FAM171A1: variants seen among roughly 807,000 people sequenced by gnomAD.
The protein encoded by FAM171A1 is protein FAM171A1.
Under a neutral mutation model 74.9 loss-of-function variants are expected in FAM171A1, and 23 were observed. That is an observed-to-expected ratio of 0.31 (90% CI 0.22 to 0.44). The LOEUF is 0.44. FAM171A1 is among the 20% of genes least tolerant of loss of function. FAM171A1 has a pLI of 1.00. For synonymous variants in FAM171A1, 527 were observed against 505.7 expected, an observed-to-expected ratio of 1.04 and a Z score of -0.57; for missense variants, 1,162 against 1,159.2, an observed-to-expected ratio of 1.00 and a Z score of -0.03.
intron 1 of FAM171A1, among the ~76,000 whole-genome samples, chr10:15,339,370 C>T (rs752410071): frequency 4.6e-5 from 7 of 152,190 alleles, no homozygotes; most frequent in African/African-American, 1.7e-4. Flanking sequence ...TACCGCATCA[C>T]ATTTAGTCAT....
chr10:15,229,239 G>A (rs1185571026), intron 5 of FAM171A1, among the ~76,000 whole-genome samples: 5 of 152,282 alleles, frequency 3.3e-5, no homozygotes, highest in Non-Finnish European at 7.4e-5. Context: ...CCTTGGATTG[G>A]GGAACCTGCT....
At chr10:15,300,918 C>T (rs995578246) in intron 1 of FAM171A1, among the ~76,000 whole-genome samples, 2 of 152,138 alleles carry the variant, frequency 1.3e-5, no homozygotes, top group African/African-American at 4.8e-5. Flanking sequence ...ATGAGGATCA[C>T]GAAGCGTCTA....
At chr10:15,244,361 G>GC (rs750134932) in intron 5 of FAM171A1, among the ~76,000 whole-genome samples, 79 of 151,956 alleles carry the variant, frequency 5.2e-4, no homozygotes, top group Non-Finnish European at 1.0e-3. Flanking sequence ...TCTCAAAAAA[G>GC]CCCCCCAAAT....
intron 1 of FAM171A1, among the ~76,000 whole-genome samples, chr10:15,306,943 A>G (rs149758646): frequency 1.1e-3 from 165 of 152,288 alleles, no homozygotes; most frequent in African/African-American, 3.7e-3. Context: ...CCATCACGCC[A>G]TGTGCCCTTC....
intron 1 of FAM171A1, among the ~76,000 whole-genome samples, chr10:15,327,494 CAT>C (rs1835570009): frequency 6.6e-6 from 1 of 152,068 alleles, no homozygotes; most frequent in Non-Finnish European, 1.5e-5. Context: ...TACAAAAAAA[CAT>C]AGAAATTAGC....
At chr10:15,339,440 A>G (rs1329279739) in intron 1 of FAM171A1, among the ~76,000 whole-genome samples, 1 of 152,142 alleles carries the variant, frequency 6.6e-6, no homozygotes, top group Non-Finnish European at 1.5e-5. Context: ...GCTTTTGATG[A>G]CCATGGTAGT....
At chr10:15,325,300 A>C (rs1835542157) in intron 1 of FAM171A1, among the ~76,000 whole-genome samples, 1 of 152,142 alleles carries the variant, frequency 6.6e-6, no homozygotes, top group African/African-American at 2.4e-5. Context: ...GTTCGAGACC[A>C]AGCTCGAGAT....
chr10:15,307,443 G>A (rs1588545302), intron 1 of FAM171A1, among the ~76,000 whole-genome samples: 1 of 151,890 alleles, frequency 6.6e-6, no homozygotes, highest in African/African-American at 2.4e-5. Flanking sequence ...TCAGGAGTTC[G>A]AGACCAGCCT....
intron 3 of FAM171A1, among the ~76,000 whole-genome samples, chr10:15,272,084 G>A (rs1250876646): frequency 6.6e-6 from 1 of 152,190 alleles, no homozygotes; most frequent in Non-Finnish European, 1.5e-5. Flanking sequence ...AAAAGACACA[G>A]ACAGGCACAT....
intron 5 of FAM171A1, among the ~76,000 whole-genome samples, chr10:15,221,402 T>A (rs919242543): frequency 1.3e-5 from 2 of 152,148 alleles, no homozygotes; most frequent in African/African-American, 4.8e-5. Context: ...TGGGGGCTGG[T>A]GGGAGTGAAA....
intron 1 of FAM171A1, among the ~76,000 whole-genome samples, chr10:15,345,778 G>C (rs1835811204): frequency 6.6e-6 from 1 of 152,140 alleles, no homozygotes; most frequent in African/African-American, 2.4e-5. Flanking sequence ...CTAGAAAGCT[G>C]AGGAGAGCAA....
At chr10:15,326,768 C>A (rs940903010) in intron 1 of FAM171A1, among the ~76,000 whole-genome samples, 2 of 152,156 alleles carry the variant, frequency 1.3e-5, no homozygotes, top group Admixed American at 6.5e-5. Context: ...GCTGGGATTA[C>A]AGGTGCCTGC....
intron 1 of FAM171A1, among the ~76,000 whole-genome samples, chr10:15,360,789 GC>G (rs1464866631): frequency 6.6e-6 from 1 of 152,190 alleles, no homozygotes; most frequent in African/African-American, 2.4e-5. Flanking sequence ...GTAAGATTAT[GC>G]CCCAATCTGC....
intron 1 of FAM171A1, among the ~76,000 whole-genome samples, chr10:15,359,848 C>T (rs1356856708): frequency 1.3e-5 from 2 of 152,178 alleles, no homozygotes; most frequent in African/African-American, 4.8e-5. Context: ...AGAAAGGCTT[C>T]TGGCCAGGAC....
rs751847910 is a variant in FAM171A1, at chr10:15,212,987, GTCA to G, written c.2598_2600del (p.Asp867del). 11 of 1,613,928 alleles carry G rather than the reference GTCA, an allele frequency of 6.8e-6. No homozygotes were observed. The highest frequency in any genetic ancestry group is 4.4e-5 in the South Asian group (4 of 91,056). On this transcript the variant is annotated inframe_deletion, in exon 8 of 8. Transcript: ENST00000378116. ...AGGGGCTTTTCTTGTCTTCTCCTTG[GTCA>G]TCATCATCATCGTCTTCCTCTTCCT... is the stretch of plus-strand genomic sequence containing the variant.
chr10:15,371,528 C>T (rs1255831579), upstream of FAM171A1, among the ~76,000 whole-genome samples: 1 of 152,118 alleles, frequency 6.6e-6, no homozygotes, highest in Non-Finnish European at 1.5e-5. Flanking sequence ...CCCAAGGGGC[C>T]GCAGGAGACA....
intron 1 of FAM171A1, among the ~76,000 whole-genome samples, chr10:15,349,775 T>C (rs1237181949): frequency 6.6e-6 from 1 of 152,170 alleles, no homozygotes; most frequent in Non-Finnish European, 1.5e-5. Flanking sequence ...GAACTTTCTG[T>C]ACCCTTTTGG....
Position 15,335,779 on chromosome 10 carries a change from T to C in FAM171A1, c.97+35177A>G, listed in dbSNP as rs1478789879. Among the ~76,000 whole-genome samples, 8 of 152,350 alleles carry C rather than the reference T, an allele frequency of 5.3e-5. No homozygotes were observed. In the South Asian group the frequency reaches 1.7e-3, roughly 32 times the overall value. On this transcript the variant is annotated intron_variant, in intron 1 of 7. Transcript: ENST00000378116. ...AGTGTGTACAATCACACTTTATCTT[T>C]GTTTCCATGAAAATGGAGTAAAAAT... is the stretch of plus-strand genomic sequence containing the variant.
intron 1 of FAM171A1, among the ~76,000 whole-genome samples, chr10:15,360,912 T>G (rs1019816137): frequency 1.3e-5 from 2 of 152,190 alleles, no homozygotes; most frequent in Non-Finnish European, 2.9e-5. Context: ...ACCTAAAAGA[T>G]CTAAGTATTT....
Sources: allele counts gnomAD v4.1 joint callset (sites outside exome capture counted in the v4.1 genomes callset), GRCh38; gene constraint gnomAD v4.1.1; transcripts MANE v1.5; gene names NCBI Gene and HGNC (gene_info 2026-07-23, HGNC 2026-07-21).